Variants in YWHAE observed in about 807,000 individuals in gnomAD.
YWHAE encodes the protein 14-3-3 protein epsilon.
Under a neutral mutation model 30.1 loss-of-function variants are expected in YWHAE, and 4 were observed. That is an observed-to-expected ratio of 0.13 (90% CI 0.07 to 0.30). YWHAE has a LOEUF of 0.30. Ranked by LOEUF, YWHAE falls within the 10% of genes least tolerant of loss-of-function variation. YWHAE has a pLI of 1.00. For synonymous variants in YWHAE, 118 were observed against 111.8 expected, an observed-to-expected ratio of 1.06 and a Z score of -0.35; for missense variants, 121 against 315.9, an observed-to-expected ratio of 0.38 and a Z score of 4.68.
At chr17:1,367,032 C>T (rs911594604) in intron 1 of YWHAE, among the ~76,000 whole-genome samples, 4 of 151,976 alleles carry the variant, frequency 2.6e-5, no homozygotes, top group African/African-American at 9.7e-5. Flanking sequence ...AAAATTAATC[C>T]TTTCGGGAAT....
At chr17:1,360,286 AG>A (rs1269734766) in intron 4 of YWHAE, among the ~76,000 whole-genome samples, 1 of 152,208 alleles carries the variant, frequency 6.6e-6, no homozygotes, top group Non-Finnish European at 1.5e-5. Flanking sequence ...AAAAGTAAAA[AG>A]TTATGTACGT....
At position 1,384,515 on chromosome 17, in the gene YWHAE, C is replaced by T. The variant is rs1053878471; in HGVS notation, c.64+15532G>A. Among the ~76,000 whole-genome samples, 5 of 134,248 alleles carry T rather than the reference C, an allele frequency of 3.7e-5. No individual in the cohort carries two copies. In the Admixed American group the frequency reaches 3.9e-4, roughly 10 times the overall value. 88.1% of individuals were successfully genotyped at this position (134,248 alleles called of 152,430 possible). A position where few individuals can be genotyped will look rare whatever the true frequency, so the allele number is the denominator to read the frequency against. ...GACCATCCTGGCTAACACGGTGAAA[C>T]CCTGTCTCTACTAAAAATACAAAAA... On this transcript the variant is annotated intron_variant, in intron 1 of 5. Transcript: ENST00000264335.
At chr17:1,369,462 A>G (rs1420348299) in intron 1 of YWHAE, among the ~76,000 whole-genome samples, 2 of 152,178 alleles carry the variant, frequency 1.3e-5, no homozygotes, top group Non-Finnish European at 2.9e-5. Context: ...CCACTGCACT[A>G]CAGCCTGGGT....
At chr17:1,381,313 G>A (rs952952881) in intron 1 of YWHAE, among the ~76,000 whole-genome samples, 4 of 151,726 alleles carry the variant, frequency 2.6e-5, no homozygotes, top group African/African-American at 9.7e-5. Flanking sequence ...TCAGGAGTTC[G>A]AGACCAGCCT....
chr17:1,368,905 A>C (rs1401812847), intron 1 of YWHAE, among the ~76,000 whole-genome samples: 2 of 152,232 alleles, frequency 1.3e-5, no homozygotes, highest in African/African-American at 2.4e-5. Flanking sequence ...CAGACATCAA[A>C]TACTACCAAA....
rs560951883 is a variant in YWHAE at position 1,390,683 on chromosome 17, T to C, written c.64+9364A>G. 2.0e-5 allele frequency among the ~76,000 whole-genome samples: 3 copies of C among 152,344 alleles called. No homozygotes were observed. The East Asian group carries it at 5.8e-4, about 29-fold the overall frequency. On this transcript the variant is annotated intron_variant, in intron 1 of 5. Coordinates refer to ENST00000264335, the MANE Select transcript of YWHAE (RefSeq NM_006761.5). Reference sequence around the variant, plus strand: ...TTACCACATCTGCCAAATGATGAAATACTGTCATAACTCTTACAGTAATGC... The same window carrying C: ...TTACCACATCTGCCAAATGATGAAACACTGTCATAACTCTTACAGTAATGC...
At chr17:1,372,367 T>C (rs771723757) in intron 1 of YWHAE, among the ~76,000 whole-genome samples, 3 of 152,230 alleles carry the variant, frequency 2.0e-5, no homozygotes, top group Non-Finnish European at 4.4e-5. Flanking sequence ...GAAGGCTGTT[T>C]TGCTTTCTCA....
intron 2 of YWHAE, among the ~76,000 whole-genome samples, chr17:1,362,437 AG>A (rs1351441860): frequency 6.6e-6 from 1 of 152,204 alleles, no homozygotes; most frequent in Non-Finnish European, 1.5e-5. Context: ...AAGCAGAGCT[AG>A]GATTTGAACC....
intron 1 of YWHAE, among the ~76,000 whole-genome samples, chr17:1,372,385 T>A (rs775069600): frequency 5.3e-5 from 8 of 152,258 alleles, no homozygotes; most frequent in Admixed American, 2.0e-4. Context: ...TCATCATTGC[T>A]GTGTTCACTG....
chr17:1,364,538 T>A (rs1224457666), intron 2 of YWHAE, among the ~76,000 whole-genome samples: 1 of 152,128 alleles, frequency 6.6e-6, no homozygotes, highest in African/African-American at 2.4e-5. Flanking sequence ...CCCACCATAT[T>A]TTTTTAAAAA....
chr17:1,376,570 G>A (rs2073128319), intron 1 of YWHAE, among the ~76,000 whole-genome samples: 1 of 151,652 alleles, frequency 6.6e-6, no homozygotes, highest in Non-Finnish European at 1.5e-5. Context: ...CTGGGCTCAA[G>A]CAATCCTCCC....
At chr17:1,399,730 C>A in intron 1 of YWHAE, 1 of 505,262 alleles carries the variant, frequency 2.0e-6, no homozygotes. Context: ...GGAGACAGCA[C>A]CCGCCATCTC....
chr17:1,398,050 T>C (rs1313136500), intron 1 of YWHAE, among the ~76,000 whole-genome samples: 1 of 152,106 alleles, frequency 6.6e-6, no homozygotes, highest in Non-Finnish European at 1.5e-5. Flanking sequence ...ATCACAAGCT[T>C]TCAAATCAGT....
chr17:1,393,053 G>C (rs549980937), intron 1 of YWHAE, among the ~76,000 whole-genome samples: 1 of 151,372 alleles, frequency 6.6e-6, no homozygotes, highest in Non-Finnish European at 1.5e-5. Flanking sequence ...AAACACAAAA[G>C]AAATTAGCTG....
In YWHAE at chr17:1,394,943, G is replaced by A. The variant is rs78145969; in HGVS notation, c.64+5104C>T. On this transcript the variant is annotated intron_variant, in intron 1 of 5. Coordinates refer to ENST00000264335, the MANE Select transcript of YWHAE (RefSeq NM_006761.5). ...GATCCTACCACTACACTCCACCCTA[G>A]GTGACAGAGCAAGACTGTCTCAAAA... is the stretch of plus-strand genomic sequence containing the variant. Among the ~76,000 whole-genome samples the A allele has an allele frequency of 4.0e-3, 610 of 152,216 alleles. 4 individuals carry two copies. The highest frequency in any genetic ancestry group is 6.8e-3 in the Middle Eastern group (2 of 294).
intron 3 of YWHAE, 83 bp from the exon 4 acceptor site, chr17:1,361,381 A>T: frequency 8.6e-7 from 1 of 1,156,470 alleles, no homozygotes. Context: ...AAATTGTTCT[A>T]TATTATATAA....
At chr17:1,381,822 AG>A (rs1257901981) in intron 1 of YWHAE, among the ~76,000 whole-genome samples, 2 of 145,220 alleles carry the variant, frequency 1.4e-5, no homozygotes, top group Non-Finnish European at 3.0e-5. Context: ...CTGAGGTGGG[AG>A]GATCACTGGA....
At chr17:1,349,605 G>T (rs1490315680) in intron 5 of YWHAE, among the ~76,000 whole-genome samples, 1 of 146,384 alleles carries the variant, frequency 6.8e-6, no homozygotes, top group Non-Finnish European at 1.5e-5. Flanking sequence ...GAACACAAAT[G>T]AATTTCACTA....
chr17:1,374,088 G>C (rs1367466613), intron 1 of YWHAE, among the ~76,000 whole-genome samples: 1 of 152,134 alleles, frequency 6.6e-6, no homozygotes, highest in Non-Finnish European at 1.5e-5. Context: ...GAGGCAGGTG[G>C]ATTACCTGAG....
Sources: gnomAD v4.1 joint callset for allele counts (sites outside exome capture counted in the v4.1 genomes callset) on GRCh38, gnomAD v4.1.1 for gene constraint, MANE v1.5 for transcripts, NCBI Gene and HGNC (gene_info 2026-07-23, HGNC 2026-07-21) for gene names.